GRIK2: variants seen among roughly 807,000 people sequenced by gnomAD.
GRIK2 encodes the protein glutamate receptor ionotropic, kainate 2.
In GRIK2, 32 loss-of-function variants were observed where a neutral mutation model predicts 100.3. The observed-to-expected ratio is 0.32, with a 90% CI of 0.24 to 0.43. GRIK2 has a LOEUF of 0.43. Ranked by LOEUF, GRIK2 falls within the 20% of genes least tolerant of loss-of-function variation. The probability of loss-of-function intolerance (pLI) is 1.00; values close to 1 mark genes in which losing one functional copy is unlikely to be tolerated. For missense variants in GRIK2, 843 were observed against 1,114.9 expected (o/e 0.76, Z 3.47); for synonymous variants, 417 against 389.4 (o/e 1.07, Z -0.83).
intron 7 of GRIK2, among the ~76,000 whole-genome samples, chr6:101,791,690 TG>T (rs1234607440): frequency 2.0e-5 from 3 of 152,138 alleles, no homozygotes; most frequent in Non-Finnish European, 4.4e-5. Flanking sequence ...TCTGTTGATT[TG>T]GGGTGGAGAG....
In GRIK2 at chr6:101,433,739, G is replaced by A. The variant is rs73502659; in HGVS notation, c.115+34347G>A. On this transcript the variant is annotated intron_variant, in intron 2 of 16. Coordinates refer to ENST00000369134, the MANE Select transcript of GRIK2 (RefSeq NM_021956.5). ...TTCCAAAACAGAGCAATGGCCCATAGAGATGAGAACATTTTTAGTCTGAAT... is the reference window on the plus strand; with the variant it reads ...TTCCAAAACAGAGCAATGGCCCATAAAGATGAGAACATTTTTAGTCTGAAT... 5.4e-3 allele frequency among the ~76,000 whole-genome samples: 825 copies of A among 152,162 alleles called. 8 individuals carry two copies. The highest frequency in any genetic ancestry group is 0.018 in the African/African-American group (756 of 41,488).
At chr6:102,007,809 T>C (rs1795319360) in intron 14 of GRIK2, among the ~76,000 whole-genome samples, 1 of 152,088 alleles carries the variant, frequency 6.6e-6, no homozygotes, top group Admixed American at 6.6e-5. Context: ...ATTAAGTAGA[T>C]GGCAATGTTA....
chr6:101,891,088 G>A (rs1053458488), intron 12 of GRIK2, among the ~76,000 whole-genome samples: 1 of 150,856 alleles, frequency 6.6e-6, no homozygotes, highest in Non-Finnish European at 1.5e-5. Flanking sequence ...TTATCAGTAA[G>A]GGTATTTGTA....
In GRIK2 at chr6:101,760,658, T is replaced by A. The variant is rs1334567362; in HGVS notation, c.952-38990T>A. On this transcript the variant is annotated intron_variant, in intron 7 of 16. Transcript: ENST00000369134. The stretch of plus-strand genomic sequence containing the variant: ...TATATAATTATATATAATTATATGT[T>A]TAATTATATATAATTATATATTTAA... 4.0e-3 allele frequency among the ~76,000 whole-genome samples: 408 copies of A among 102,886 alleles called. 27 individuals are homozygous for A. The highest frequency in any genetic ancestry group is 0.017 in the African/African-American group (377 of 22,650). The allele number at this position is 102,886 out of a possible 152,430, so 67.5% of individuals were successfully genotyped here.
At chr6:101,606,225 T>C (rs556881521) in intron 2 of GRIK2, among the ~76,000 whole-genome samples, 19 of 152,146 alleles carry the variant, frequency 1.2e-4, no homozygotes, top group African/African-American at 4.6e-4. Context: ...TATTACTTTC[T>C]AGACACTGTG....
At chr6:101,754,502 G>T (rs1777000633) in intron 7 of GRIK2, among the ~76,000 whole-genome samples, 1 of 152,166 alleles carries the variant, frequency 6.6e-6, no homozygotes, top group South Asian at 2.1e-4. Flanking sequence ...TATTTTGTAA[G>T]TGTTTACCCT....
chr6:101,876,644 G>A (rs554895585), intron 11 of GRIK2, among the ~76,000 whole-genome samples: 1 of 151,772 alleles, frequency 6.6e-6, no homozygotes, highest in Non-Finnish European at 1.5e-5. Context: ...GATTTAATGT[G>A]CACTACTCAT....
chr6:101,659,644 G>A (rs1673342581), intron 4 of GRIK2, among the ~76,000 whole-genome samples: 1 of 152,118 alleles, frequency 6.6e-6, no homozygotes, highest in Admixed American at 6.6e-5. Flanking sequence ...CTTCCTTCAG[G>A]AGCTCTTGTA....
At chr6:101,707,987 T>C (rs1418918468) in intron 7 of GRIK2, among the ~76,000 whole-genome samples, 1 of 151,736 alleles carries the variant, frequency 6.6e-6, no homozygotes, top group Non-Finnish European at 1.5e-5. Flanking sequence ...TGTTAATTAG[T>C]TAAAATTGCA....
intron 12 of GRIK2, among the ~76,000 whole-genome samples, chr6:101,891,859 T>A (rs907219548): frequency 3.9e-5 from 6 of 152,148 alleles, no homozygotes; most frequent in Non-Finnish European, 8.8e-5. Context: ...GCCTTCACAT[T>A]TTTTATCATC....
intron 2 of GRIK2, among the ~76,000 whole-genome samples, chr6:101,480,042 A>T (rs1181170938): frequency 6.6e-6 from 1 of 152,176 alleles, no homozygotes; most frequent in African/African-American, 2.4e-5. Context: ...AACATACTGC[A>T]TGGTAGTCCA....
chr6:101,596,133 C>T (rs977541045), intron 2 of GRIK2, among the ~76,000 whole-genome samples: 3 of 150,702 alleles, frequency 2.0e-5, no homozygotes, highest in Non-Finnish European at 3.0e-5. Context: ...TTTCACAAGG[C>T]CTTTGGGTTA....
intron 7 of GRIK2, among the ~76,000 whole-genome samples, chr6:101,692,039 C>CAAAAAAAAAAAAAAAAAAAAAAAAAAAA (rs60210939): frequency 1.3e-5 from 1 of 78,390 alleles, no homozygotes; most frequent in African/African-American, 4.9e-5. Flanking sequence ...CACCCCGTCT[C>CAAAAAAAAAAAAAAAAAAAAAAAAAAAA]AAAAAAAAAA....
chr6:102,065,924 T>G, intron 16 of GRIK2: 2 of 1,391,238 alleles, frequency 1.4e-6, no homozygotes, highest in Non-Finnish European at 1.9e-6. Context: ...TAAGTACATC[T>G]AATAGTAGGT....
At chr6:101,869,847 T>C (rs938677996) in intron 11 of GRIK2, among the ~76,000 whole-genome samples, 15 of 151,870 alleles carry the variant, frequency 9.9e-5, no homozygotes, top group African/African-American at 3.1e-4. Context: ...GGAATATTGA[T>C]TGGTTTTGGG....
At chr6:101,420,883 G>A (rs565586998) in intron 2 of GRIK2, among the ~76,000 whole-genome samples, 1 of 152,236 alleles carries the variant, frequency 6.6e-6, no homozygotes, top group South Asian at 2.1e-4. Flanking sequence ...CACAATTAGA[G>A]GGGAAAAAGG....
At position 101,704,053 on chromosome 6, in the gene GRIK2, T is replaced by C. The variant is rs192507260; in HGVS notation, c.951+17700T>C. Among the ~76,000 whole-genome samples, 276 of 151,804 alleles carry C rather than the reference T, an allele frequency of 1.8e-3. 2 individuals carry two copies. Among genetic ancestry groups the C allele is most frequent in the African/African-American group, 6.1e-3 (252 of 41,482 alleles). On this transcript the variant is annotated intron_variant, in intron 7 of 16. Transcript: ENST00000369134. ...TCTTTTTGGAAAGTGGGAAAGTGAA[T>C]ATTCTGGGGAAATATGGAACATTTT...
chr6:101,766,417 A>G (rs1778048339), intron 7 of GRIK2, among the ~76,000 whole-genome samples: 2 of 152,176 alleles, frequency 1.3e-5, no homozygotes, highest in Admixed American at 1.3e-4. Flanking sequence ...AAATATTTGA[A>G]GCATTAAAGT....
intron 4 of GRIK2, among the ~76,000 whole-genome samples, chr6:101,659,816 G>A (rs1015727230): frequency 6.6e-6 from 1 of 152,168 alleles, no homozygotes; most frequent in Admixed American, 6.5e-5. Flanking sequence ...CTTCTGGCTT[G>A]TAGGGCTTCT....
Sources: gnomAD v4.1 joint callset for allele counts (sites outside exome capture counted in the v4.1 genomes callset) on GRCh38, gnomAD v4.1.1 for gene constraint, MANE v1.5 for transcripts, NCBI Gene and HGNC (gene_info 2026-07-23, HGNC 2026-07-21) for gene names.